Variants in IMMP2L observed in about 807,000 individuals in gnomAD.
IMMP2L encodes inner mitochondrial membrane peptidase subunit 2, also known as mitochondrial inner membrane protease subunit 2.
In IMMP2L, 18 loss-of-function variants were observed where a neutral mutation model predicts 19.3. That is an observed-to-expected ratio of 0.93 (90% CI 0.64 to 1.38). The LOEUF (loss-of-function observed/expected upper bound fraction) is 1.38. Among genes scored for constraint, IMMP2L ranks in the 40% most tolerant of loss-of-function variants. IMMP2L has a pLI of 0.00. For missense variants in IMMP2L, 233 were observed against 218.2 expected (o/e 1.07, Z -0.43); for synonymous variants, 76 against 73.0 (o/e 1.04, Z -0.21).
At chr7:111,408,682 T>C (rs1834107210) in intron 3 of IMMP2L, among the ~76,000 whole-genome samples, 1 of 151,836 alleles carries the variant, frequency 6.6e-6, no homozygotes, top group Admixed American at 6.6e-5. Flanking sequence ...GATACTAACT[T>C]CTCATGTATC....
intron 3 of IMMP2L, among the ~76,000 whole-genome samples, chr7:111,226,982 G>T (rs1012687041): frequency 3.9e-5 from 6 of 152,128 alleles, no homozygotes; most frequent in African/African-American, 1.4e-4. Flanking sequence ...AAGGGGAAGT[G>T]ATTGGTGGAT....
At chr7:110,892,945 G>C (rs1405974588) in intron 4 of IMMP2L, among the ~76,000 whole-genome samples, 1 of 152,042 alleles carries the variant, frequency 6.6e-6, no homozygotes, top group Non-Finnish European at 1.5e-5. Flanking sequence ...CTTGGCTTCA[G>C]GCAATCACTG....
At chr7:111,369,601 C>T (rs1275171529) in intron 3 of IMMP2L, among the ~76,000 whole-genome samples, 1 of 151,690 alleles carries the variant, frequency 6.6e-6, no homozygotes. Context: ...AAAAGTATTG[C>T]TATCAATTCT....
At chr7:111,138,369 T>G (rs569488972) in intron 3 of IMMP2L, among the ~76,000 whole-genome samples, 1 of 152,326 alleles carries the variant, frequency 6.6e-6, no homozygotes, top group African/African-American at 2.4e-5. Flanking sequence ...GCTCTCACTT[T>G]GTCCAATGAC....
intron 2 of IMMP2L, among the ~76,000 whole-genome samples, chr7:111,491,107 T>A (rs529336718): frequency 6.6e-6 from 1 of 152,278 alleles, no homozygotes; most frequent in East Asian, 1.9e-4. Flanking sequence ...TTTACGATGA[T>A]CCTCTTCCAC....
chr7:111,072,226 A>G (rs990439370), intron 3 of IMMP2L, among the ~76,000 whole-genome samples: 1 of 152,240 alleles, frequency 6.6e-6, no homozygotes, highest in Non-Finnish European at 1.5e-5. Context: ...ATTTTACAAC[A>G]TCATAATAGT....
At chr7:111,045,229 A>G (rs1563189326) in intron 3 of IMMP2L, among the ~76,000 whole-genome samples, 1 of 152,156 alleles carries the variant, frequency 6.6e-6, no homozygotes, top group Non-Finnish European at 1.5e-5. Context: ...GAAATCCTTG[A>G]TTTTTTCCAT....
chr7:111,432,229 A>G (rs946031369), intron 3 of IMMP2L, among the ~76,000 whole-genome samples: 2 of 151,088 alleles, frequency 1.3e-5, no homozygotes, highest in Non-Finnish European at 2.9e-5. Flanking sequence ...AGTGTGGGGG[A>G]AAAAAAACCC....
intron 3 of IMMP2L, among the ~76,000 whole-genome samples, chr7:111,341,983 A>G (rs1346445589): frequency 6.6e-6 from 1 of 151,968 alleles, no homozygotes; most frequent in East Asian, 1.9e-4. Flanking sequence ...GACTTCCCAG[A>G]CTCTAGAACC....
At position 111,272,617 on chromosome 7, in the gene IMMP2L, T is replaced by C. The variant is rs1201701145; in HGVS notation, c.239+214621A>G. ...ACTGATTGGCTGATACATAGACTAT[T>C]ATAAAAATTTTTATGTGTTAATAGA... On this transcript the variant is annotated intron_variant, in intron 3 of 5. Transcript: ENST00000405709. 2.0e-5 allele frequency among the ~76,000 whole-genome samples: 3 copies of C among 152,304 alleles called. No homozygotes were observed. The East Asian group carries it at 5.8e-4, about 29-fold the overall frequency.
chr7:111,002,453 C>G (rs1023127681), intron 3 of IMMP2L, among the ~76,000 whole-genome samples: 1 of 152,074 alleles, frequency 6.6e-6, no homozygotes, highest in Admixed American at 6.6e-5. Context: ...CTACCTTTCA[C>G]CTTTCACTAA....
At chr7:110,811,467 T>A (rs1379120508) in intron 5 of IMMP2L, among the ~76,000 whole-genome samples, 1 of 152,030 alleles carries the variant, frequency 6.6e-6, no homozygotes, top group East Asian at 1.9e-4. Flanking sequence ...ATAAATATCA[T>A]TCTGGGCTTA....
chr7:111,508,475 T>C (rs1008087685), intron 2 of IMMP2L, among the ~76,000 whole-genome samples: 4 of 152,130 alleles, frequency 2.6e-5, no homozygotes, highest in African/African-American at 9.7e-5. Context: ...CAGGAAGAAT[T>C]AGGCATGCAG....
At chr7:110,893,181 C>T (rs1170362984) in intron 4 of IMMP2L, among the ~76,000 whole-genome samples, 1 of 152,112 alleles carries the variant, frequency 6.6e-6, no homozygotes, top group African/African-American at 2.4e-5. Flanking sequence ...TCTAAAAATA[C>T]ATACCTTAAT....
intron 3 of IMMP2L, among the ~76,000 whole-genome samples, chr7:111,005,765 GT>G: frequency 6.6e-6 from 1 of 152,132 alleles, no homozygotes; most frequent in Non-Finnish European, 1.5e-5. Flanking sequence ...TCAGGAGAGA[GT>G]AAAGAATGCA....
At chr7:111,515,069 C>G (rs1845768965) in intron 2 of IMMP2L, among the ~76,000 whole-genome samples, 1 of 152,056 alleles carries the variant, frequency 6.6e-6, no homozygotes. Flanking sequence ...ATGGTTGCTT[C>G]TGACTCTCAC....
chr7:111,130,126 A>C (rs2129593407), intron 3 of IMMP2L, among the ~76,000 whole-genome samples: 1 of 152,298 alleles, frequency 6.6e-6, no homozygotes, highest in East Asian at 1.9e-4. Flanking sequence ...CACTGTATAT[A>C]CATCTCAGAA....
At chr7:110,761,495 AC>A (rs1361042182) in intron 5 of IMMP2L, among the ~76,000 whole-genome samples, 1 of 152,166 alleles carries the variant, frequency 6.6e-6, no homozygotes, top group African/African-American at 2.4e-5. Context: ...CCAAAAGTAA[AC>A]ATATTCTACA....
At chr7:110,976,282 A>G (rs1157080840) in intron 3 of IMMP2L, among the ~76,000 whole-genome samples, 1 of 152,096 alleles carries the variant, frequency 6.6e-6, no homozygotes, top group Admixed American at 6.6e-5. Context: ...GATGATGATT[A>G]GATCATAATA....
Sources: gnomAD v4.1 joint callset for allele counts (sites outside exome capture counted in the v4.1 genomes callset) on GRCh38, gnomAD v4.1.1 for gene constraint, MANE v1.5 for transcripts, NCBI Gene and HGNC (gene_info 2026-07-23, HGNC 2026-07-21) for gene names.